TBC1D32: variants seen among roughly 807,000 people sequenced by gnomAD.
TBC1D32 encodes the protein TBC1 domain family member 32.
Under a neutral mutation model 170.3 loss-of-function variants are expected in TBC1D32, and 151 were observed. The observed-to-expected ratio is 0.89, with a 90% CI of 0.78 to 1.01. The LOEUF (loss-of-function observed/expected upper bound fraction) is 1.01. TBC1D32 is among the 50% of genes least tolerant of loss of function. The pLI is 0.00. For synonymous variants in TBC1D32, 498 were observed against 488.0 expected, an observed-to-expected ratio of 1.02 and a Z score of -0.27; for missense variants, 1,464 against 1,457.1, an observed-to-expected ratio of 1.00 and a Z score of -0.08.
At chr6:121,246,487 C>T (rs1797623703) in intron 17 of TBC1D32, among the ~76,000 whole-genome samples, 1 of 151,786 alleles carries the variant, frequency 6.6e-6, no homozygotes, top group African/African-American at 2.4e-5. Context: ...TTCTGTAACA[C>T]CCCCAAAAGG....
intron 20 of TBC1D32, among the ~76,000 whole-genome samples, chr6:121,229,006 T>C (rs1322419025): frequency 6.6e-6 from 1 of 152,104 alleles, no homozygotes; most frequent in East Asian, 1.9e-4. Context: ...ATCTGATAGT[T>C]TTTCCTTTAC....
chr6:121,085,721 A>G (rs1389198839), intron 31 of TBC1D32, among the ~76,000 whole-genome samples: 1 of 152,074 alleles, frequency 6.6e-6, no homozygotes, highest in Non-Finnish European at 1.5e-5. Flanking sequence ...GATTCTTAGG[A>G]CCAGAGAGTT....
At chr6:121,110,903 A>C (rs1779139103) in intron 29 of TBC1D32, among the ~76,000 whole-genome samples, 3 of 152,188 alleles carry the variant, frequency 2.0e-5, no homozygotes, top group African/African-American at 7.2e-5. Flanking sequence ...CATCAAAACA[A>C]ACTACTGGTA....
chr6:121,212,450 C>CT (rs3076854), intron 21 of TBC1D32, among the ~76,000 whole-genome samples: 7,223 of 101,998 alleles, frequency 0.071, 407 homozygotes, highest in Admixed American at 0.2. Flanking sequence ...GTCAATATCT[C>CT]TTTTTTTTTT....
rs1361749849 is a variant in TBC1D32 at position 121,281,939 on chromosome 6, A to G, written c.1466-253T>C. 2.6e-5 allele frequency among the ~76,000 whole-genome samples: 4 copies of G among 151,772 alleles called. No homozygotes were observed. The East Asian group carries it at 7.7e-4, about 29-fold the overall frequency. On this transcript the variant is annotated intron_variant, in intron 13 of 31. Transcript: ENST00000398212. ...AAAAGACGAGAATACAAAATTATTT[A>G]CTGTCCAACATTAAATTACTGCTTA...
chr6:121,096,101 A>C (rs1012656614), intron 30 of TBC1D32: 7 of 151,978 alleles, frequency 4.6e-5, no homozygotes, highest in African/African-American at 1.7e-4. Context: ...TTACTGCCAT[A>C]ATTTTTGAAC....
intron 25 of TBC1D32, among the ~76,000 whole-genome samples, chr6:121,130,894 A>G (rs1781369111): frequency 1.3e-5 from 2 of 152,234 alleles, no homozygotes; most frequent in South Asian, 4.1e-4. Flanking sequence ...CTTTATACTC[A>G]AACTTTGGAG....
At chr6:121,315,349 G>T (rs1808778777) in intron 3 of TBC1D32, among the ~76,000 whole-genome samples, 1 of 152,030 alleles carries the variant, frequency 6.6e-6, no homozygotes, top group African/African-American at 2.4e-5. Context: ...TATCTTTCTG[G>T]CATTATTTTG....
At chr6:121,184,883 G>A (rs1415884373) in intron 22 of TBC1D32, among the ~76,000 whole-genome samples, 1 of 152,014 alleles carries the variant, frequency 6.6e-6, no homozygotes, top group African/African-American at 2.4e-5. Flanking sequence ...GGGCAGCTGA[G>A]GAAAGAGGCC....
intron 25 of TBC1D32, 95 bp downstream of exon 25, chr6:121,131,532 T>C: frequency 7.6e-7 from 1 of 1,314,224 alleles, no homozygotes; most frequent in Non-Finnish European, 1.0e-6. Context: ...GCATTATGTT[T>C]TCTACATATG....
chr6:121,143,769 A>G (rs532278703), intron 24 of TBC1D32, among the ~76,000 whole-genome samples: 9 of 152,124 alleles, frequency 5.9e-5, no homozygotes, highest in Non-Finnish European at 1.3e-4. Context: ...GCTTTATTTA[A>G]CGGTATTTAA....
chr6:121,249,757 T>C (rs1798062112), intron 17 of TBC1D32, among the ~76,000 whole-genome samples: 1 of 151,498 alleles, frequency 6.6e-6, no homozygotes, highest in African/African-American at 2.4e-5. Flanking sequence ...AAAACAAACT[T>C]TAGGAATATA....
intron 3 of TBC1D32, among the ~76,000 whole-genome samples, chr6:121,316,695 A>T (rs1364677117): frequency 6.6e-6 from 1 of 152,196 alleles, no homozygotes; most frequent in Non-Finnish European, 1.5e-5. Flanking sequence ...TCAATCATGC[A>T]GTCCCAACTT....
At chr6:121,171,455 A>T (rs76848837) in intron 22 of TBC1D32, among the ~76,000 whole-genome samples, 2,263 of 152,094 alleles carry the variant, frequency 0.015, 40 homozygotes, top group African/African-American at 0.044. Flanking sequence ...AAATATTGTT[A>T]ATTTTGTTAG....
chr6:121,271,033 C>T lies in TBC1D32; in HGVS notation c.1733+8088G>A, dbSNP rs184639452. On this transcript the variant is annotated intron_variant, in intron 15 of 31. Coordinates refer to ENST00000398212, the MANE Select transcript of TBC1D32 (RefSeq NM_152730.6). ...AACCACATGATTATCTCAATAGATG[C>T]AGAAAAGGCCTTCAATAAAAATTCA... is the stretch of plus-strand genomic sequence containing the variant. Among the ~76,000 whole-genome samples, 191 of 152,196 alleles carry T rather than the reference C, an allele frequency of 1.3e-3. 1 individual carries two copies. Among genetic ancestry groups the T allele is most frequent in the African/African-American group, 4.0e-3 (165 of 41,522 alleles).
chr6:121,309,990 G>A (rs1807931307), intron 4 of TBC1D32, among the ~76,000 whole-genome samples: 1 of 152,004 alleles, frequency 6.6e-6, no homozygotes, highest in South Asian at 2.1e-4. Context: ...ATTCATGATT[G>A]CGCCACTGTG....
chr6:121,111,965 CA>C (rs1217493541), intron 29 of TBC1D32, among the ~76,000 whole-genome samples: 2 of 152,036 alleles, frequency 1.3e-5, no homozygotes, highest in Non-Finnish European at 2.9e-5. Context: ...TAAACATAAA[CA>C]TTATAAATTG....
chr6:121,182,957 T>G (rs973302455), intron 22 of TBC1D32, among the ~76,000 whole-genome samples: 7 of 152,050 alleles, frequency 4.6e-5, no homozygotes, highest in Admixed American at 3.3e-4. Flanking sequence ...GTATTAAAAA[T>G]CATTTAAAGT....
Position 121,106,070 on chromosome 6 carries a change from G to T in TBC1D32, c.3418C>A (p.Pro1140Thr). ...ATGTGAAAAGCTGAAAACACAAGAG[G>T]CAACTCAGCCTTCAGTAGCATTTCA... ...YIEMLLKAELPLVFSAFHMSG... is the reference protein window; with the variant it reads ...YIEMLLKAELTLVFSAFHMSG... Residue 1140 changes from proline to threonine, a missense_variant, in exon 30 of 32, where the codon CCT becomes ACT. Pro to Thr is a conservative substitution (Grantham distance 38, BLOSUM62 -1). Coordinates refer to ENST00000398212, the MANE Select transcript of TBC1D32 (RefSeq NM_152730.6). 6.2e-7 allele frequency: 1 copy of T among 1,608,696 alleles called. No homozygotes were observed. Among genetic ancestry groups the T allele is most frequent in the Non-Finnish European group, 8.5e-7 (1 of 1,176,352 alleles).
Sources: gnomAD v4.1 joint callset for allele counts (sites outside exome capture counted in the v4.1 genomes callset) on GRCh38, gnomAD v4.1.1 for gene constraint, MANE v1.5 for transcripts, NCBI Gene and HGNC (gene_info 2026-07-23, HGNC 2026-07-21) for gene names.